The following ICE1 variants were observed in gnomAD, a reference collection of about 807,000 sequenced individuals.
The protein encoded by ICE1 is interactor of little elongation complex ELL subunit 1.
In ICE1, 64 loss-of-function variants were observed where a neutral mutation model predicts 192.7. The observed-to-expected ratio is 0.33, with a 90% CI of 0.27 to 0.41. The LOEUF (loss-of-function observed/expected upper bound fraction) is 0.41, where lower values mean the gene tolerates loss of function less well. Ranked by LOEUF, ICE1 falls within the 10% of genes least tolerant of loss-of-function variation. The probability of loss-of-function intolerance (pLI) is 1.00; values close to 1 mark genes in which losing one functional copy is unlikely to be tolerated. For synonymous variants in ICE1, 1,010 were observed against 984.5 expected (o/e 1.03, Z -0.49); for missense variants, 2,708 against 2,696.0 (o/e 1.00, Z -0.10).
chr5:5,472,262 G>A (rs1739182934), intron 15 of ICE1, among the ~76,000 whole-genome samples: 1 of 152,168 alleles, frequency 6.6e-6, no homozygotes, highest in Non-Finnish European at 1.5e-5. Context: ...TGTAGAACAT[G>A]AGTTGTAATA....
At chr5:5,444,259 G>A (rs1047009845) in intron 6 of ICE1, 30 bp from the exon 7 acceptor site, 4 of 1,495,090 alleles carry the variant, frequency 2.7e-6, no homozygotes, top group African/African-American at 2.8e-5. Context: ...TCTCTTTCTT[G>A]CCATTTAACT....
At chr5:5,489,055 C>A in intron 18 of ICE1, 94 bp from the exon 19 acceptor site, 2 of 1,013,524 alleles carry the variant, frequency 2.0e-6, no homozygotes, top group Non-Finnish European at 2.9e-6. Context: ...AGAAAGCATT[C>A]TGTATTTGAA....
intron 12 of ICE1, among the ~76,000 whole-genome samples, chr5:5,458,805 G>A (rs923808424): frequency 1.3e-5 from 2 of 152,172 alleles, no homozygotes; most frequent in African/African-American, 2.4e-5. Flanking sequence ...AGTAGGGAGT[G>A]GGGGGATAGT....
chr5:5,466,429 G>A lies in ICE1; in HGVS notation c.5988G>A (p.Val1996=), dbSNP rs758826789. The part of the protein sequence containing the change: ...DHNYIHALCR[V]YVGICRQLGD... ...ATTACATTCACGCCCTCTGCAGGGT[G>A]TATGTGGGTATTTGTCGGCAACTCG... The change falls in exon 14 of 19, where the codon GTG becomes GTA. Residue 1996 remains valine, a synonymous_variant. Coordinates refer to ENST00000296564, the MANE Select transcript of ICE1 (RefSeq NM_015325.3). The A allele has an allele frequency of 7.4e-6, 12 of 1,613,566 alleles. No individual in the cohort carries two copies. Among genetic ancestry groups the A allele is most frequent in the Non-Finnish European group, 1.0e-5 (12 of 1,179,780 alleles).
chr5:5,482,558 G>A (rs542886993), intron 17 of ICE1, among the ~76,000 whole-genome samples: 15 of 152,204 alleles, frequency 9.9e-5, no homozygotes, highest in Non-Finnish European at 1.8e-4. Flanking sequence ...TGCCACGTGT[G>A]CACAGGTGCA....
rs377632521 is a variant in ICE1 at position 5,460,948 on chromosome 5, G to A, written c.1614G>A (p.Arg538=). Residue 538 remains arginine (R), a synonymous_variant, in exon 13 of 19, where the codon AGG becomes AGA. Transcript: ENST00000296564. ...TGTGTTCTTCTCCCCTTGGCAAAAG[G>A]CCATTAAATGAACTCATGGAATCTG... The part of the protein sequence containing the change: ...SELCSSPLGK[R]PLNELMESEG... The A allele has an allele frequency of 5.1e-5, 83 of 1,613,890 alleles. No individual in the cohort carries two copies. Among genetic ancestry groups the A allele is most frequent in the Non-Finnish European group, 6.6e-5 (78 of 1,179,900 alleles).
At chr5:5,480,698 G>A (rs374661034) in intron 17 of ICE1, among the ~76,000 whole-genome samples, 13 of 152,166 alleles carry the variant, frequency 8.5e-5, no homozygotes, top group Non-Finnish European at 1.5e-4. Flanking sequence ...TTCCTCCTCT[G>A]TGTGTACTTT....
chr5:5,468,926 G>A lies in ICE1; in HGVS notation c.6160G>A (p.Ala2054Thr). ...SVINKAMQLV[A>T]RQRAKGEVLN... The stretch of plus-strand genomic sequence containing the variant: ...GATTAATAAAGCAATGCAGTTAGTT[G>A]CCAGGCAACGTGCTAAAGGAGAGGT... Residue 2054 changes from alanine (A) to threonine (T), a missense_variant, in exon 15 of 19, where the codon GCC (alanine) becomes ACC (threonine). This residue lies in a region of ICE1 where 342 missense variants were observed against 419.3 expected (regional missense o/e 0.82). Coordinates refer to ENST00000296564, the MANE Select transcript of ICE1 (RefSeq NM_015325.3). 1 of 1,606,678 alleles carries A rather than the reference G, an allele frequency of 6.2e-7. No homozygotes were observed. Among genetic ancestry groups the A allele is most frequent in the South Asian group, 1.1e-5 (1 of 89,304 alleles).
chr5:5,485,452 A>G (rs2111407958), intron 17 of ICE1, among the ~76,000 whole-genome samples: 1 of 152,318 alleles, frequency 6.6e-6, no homozygotes, highest in South Asian at 2.1e-4. Flanking sequence ...AAGAAAACCC[A>G]TTCTCATACA....
At position 5,422,896 on chromosome 5, in the gene ICE1, C is replaced by T; in HGVS notation, c.-20C>T. On this transcript the variant is annotated 5_prime_UTR_variant, in exon 1 of 19. Coordinates refer to ENST00000296564, the MANE Select transcript of ICE1 (RefSeq NM_015325.3). ...CGGGCCCCTGAGGCGTGCGTGCCCA[C>T]CGGGCCCGGCGGCGGCACCATGATG... 7.3e-7 allele frequency: 1 copy of T among 1,372,048 alleles called. No homozygotes were observed. The highest frequency in any genetic ancestry group is 1.7e-5 in the South Asian group (1 of 60,594). The allele number at this position is 1,372,048 out of a possible 1,614,324, so 85.0% of individuals were successfully genotyped here.
chr5:5,460,517 G>A lies in ICE1; in HGVS notation c.1183G>A (p.Asp395Asn), dbSNP rs1269370633. 3.1e-6 allele frequency: 5 copies of A among 1,611,950 alleles called. No individual in the cohort carries two copies. Among genetic ancestry groups the A allele is most frequent in the Non-Finnish European group, 4.2e-6 (5 of 1,178,884 alleles). The stretch of plus-strand genomic sequence containing the variant: ...AAATTCTGCTGAGTGTGTTTCAGAA[G>A]ATGATACAACTGAATCACAGAATTA... Reference protein sequence around the residue: ...LRNSAECVSEDDTTESQNYFG... With the variant: ...LRNSAECVSENDTTESQNYFG... The change falls in exon 13 of 19, where the codon GAT (aspartate) becomes AAT (asparagine). Residue 395 changes from aspartate (D) to asparagine (N), a missense_variant. Around this residue, in one of 2 missense-constraint regions of ICE1, gnomAD observed 2,366 missense variants for 2,276.6 expected, o/e 1.04. Transcript: ENST00000296564.
In ICE1 at chr5:5,444,186, A is replaced by G. The variant is rs922297003; in HGVS notation, c.387-103A>G. The G allele has an allele frequency of 5.6e-6, 4 of 720,392 alleles. No homozygotes were observed. The African/African-American group carries it at 7.1e-5, about 13-fold the overall frequency. 44.6% of individuals were successfully genotyped at this position (720,392 alleles called of 1,614,324 possible). On this transcript the variant is annotated intron_variant, in intron 6 of 18. Transcript: ENST00000296564. Reference sequence around the variant, plus strand: ...TACTAGTTCAGACTGAACATTTGTTATACAAATATTTGTAATTTAAAAAAT... The same window carrying G: ...TACTAGTTCAGACTGAACATTTGTTGTACAAATATTTGTAATTTAAAAAAT...
At chr5:5,450,445 G>T (rs1738379971) in intron 10 of ICE1, among the ~76,000 whole-genome samples, 2 of 152,300 alleles carry the variant, frequency 1.3e-5, no homozygotes, top group South Asian at 4.1e-4. Context: ...AGAGCCAGAT[G>T]TCTCAATATG....
intron 17 of ICE1, among the ~76,000 whole-genome samples, chr5:5,485,295 T>G (rs1406073523): frequency 6.6e-6 from 1 of 152,180 alleles, no homozygotes; most frequent in Non-Finnish European, 1.5e-5. Context: ...ATAACTATAT[T>G]TCCAAAACAA....
chr5:5,472,292 CTT>C (rs1561096507), intron 15 of ICE1, among the ~76,000 whole-genome samples: 1 of 152,108 alleles, frequency 6.6e-6, no homozygotes, highest in Non-Finnish European at 1.5e-5. Context: ...TGTTTACAAA[CTT>C]AATTACATTC....
At chr5:5,485,891 G>A (rs374256673) in intron 17 of ICE1, among the ~76,000 whole-genome samples, 5 of 152,182 alleles carry the variant, frequency 3.3e-5, no homozygotes, top group Non-Finnish European at 7.3e-5. Context: ...CGAGGATAAA[G>A]TTCATTTAAG....
At position 5,489,502 on chromosome 5, in the gene ICE1, G is replaced by T. The variant is rs780530859; in HGVS notation, c.*172G>T. On this transcript the variant is annotated 3_prime_UTR_variant, in exon 19 of 19. Coordinates refer to ENST00000296564, the MANE Select transcript of ICE1 (RefSeq NM_015325.3). ...AAGGAGACAGGAGAAACAAGCAGTC[G>T]CATAGTCGTTTTTCCCTAAATCTAA... is the stretch of plus-strand genomic sequence containing the variant. 4.1e-4 allele frequency: 234 copies of T among 566,884 alleles called. 1 individual carries two copies. The highest frequency in any genetic ancestry group is 5.9e-4 in the Non-Finnish European group (199 of 336,920). 35.1% of individuals were successfully genotyped at this position (566,884 alleles called of 1,614,324 possible). A position where few individuals can be genotyped will look rare whatever the true frequency, so the allele number is the denominator to read the frequency against.
chr5:5,436,296 G>A (rs1737870839), intron 1 of ICE1, 122 bp from the exon 2 acceptor site: 2 of 597,832 alleles, frequency 3.3e-6, no homozygotes, highest in Non-Finnish European at 5.5e-6. Context: ...TATAAGTAAT[G>A]CATTAACATT....
In ICE1 at chr5:5,473,711, C is replaced by T; in HGVS notation, c.6376C>T (p.His2126Tyr). The change falls in exon 16 of 19, where the codon CAT (histidine) becomes TAT (tyrosine). Residue 2126 changes from histidine (H) to tyrosine (Y), a missense_variant. Physicochemically the swap from His to Tyr is moderately conservative, Grantham distance 83 (BLOSUM62 2). Transcript: ENST00000296564. ...YIFAIDLLCCHQKWIWTHDNI... is the reference protein window; with the variant it reads ...YIFAIDLLCCYQKWIWTHDNI... ...ATTTGCCATTGATCTGCTCTGCTGC[C>T]ATCAGAAATGGATCTGGACGCATGA... The T allele has an allele frequency of 6.2e-7, 1 of 1,609,556 alleles. No individual in the cohort carries two copies. The highest frequency in any genetic ancestry group is 8.5e-7 in the Non-Finnish European group (1 of 1,178,720).
Sources: gnomAD v4.1 joint callset for allele counts (sites outside exome capture counted in the v4.1 genomes callset) on GRCh38, gnomAD v4.1.1 for gene constraint, gnomAD v4.1.1 regional missense constraint, MANE v1.5 for transcripts, NCBI Gene and HGNC (gene_info 2026-07-23, HGNC 2026-07-21) for gene names.